SYCE1L: variants seen among roughly 807,000 people sequenced by gnomAD.
The protein encoded by SYCE1L is synaptonemal complex central element protein 1-like.
SYCE1L carries 51 observed loss-of-function variants against 39.6 expected under a neutral mutation model. The observed-to-expected ratio is 1.29, with a 90% CI of 1.03 to 1.63. The LOEUF (loss-of-function observed/expected upper bound fraction) is 1.63. Among genes scored for constraint, SYCE1L ranks in the 40% most tolerant of loss-of-function variants. The pLI is 0.00. For missense variants in SYCE1L, 426 were observed against 304.9 expected (o/e 1.40, Z -2.96); for synonymous variants, 147 against 122.4 (o/e 1.20, Z -1.33).
chr16:77,210,958 TCAAA>T (rs1295268853), intron 6 of SYCE1L, among the ~76,000 whole-genome samples: 2 of 152,108 alleles, frequency 1.3e-5, no homozygotes, highest in Non-Finnish European at 2.9e-5. Context: ...TTTCAGAGTC[TCAAA>T]CAGAGGAATC....
At chr16:77,212,074 GGGCCGTGTAGCCAAGAGGAC>G in intron 7 of SYCE1L, 36 bp from the exon 8 acceptor site, 1 of 1,506,874 alleles carries the variant, frequency 6.6e-7, no homozygotes, top group Non-Finnish European at 8.9e-7. Flanking sequence ...GGGGAGGGGC[GGGCCGTGTAGCCAAGAGGAC>G]GGCCAAACGG....
At chr16:77,206,360 G>C (rs2054785667) in intron 1 of SYCE1L, 81 bp from the exon 2 acceptor site, 3 of 1,282,756 alleles carry the variant, frequency 2.3e-6, no homozygotes, top group Non-Finnish European at 3.3e-6. Context: ...TGTCTGCAGA[G>C]CCCACTGGGA....
intron 1 of SYCE1L, chr16:77,200,001 C>G (rs977798343): frequency 7.5e-6 from 1 of 133,828 alleles, no homozygotes; most frequent in Non-Finnish European, 1.6e-5. Context: ...GGGTGTCGGC[C>G]TAGACACTAT....
At chr16:77,199,758 A>C in intron 1 of SYCE1L, 1 of 429,604 alleles carries the variant, frequency 2.3e-6, no homozygotes, top group Non-Finnish European at 4.1e-6. Flanking sequence ...AAAGTAAACA[A>C]CATGTAGTTC....
At chr16:77,209,233 A>G in intron 5 of SYCE1L, 89 bp downstream of exon 5, 1 of 1,462,714 alleles carries the variant, frequency 6.8e-7, no homozygotes, top group Admixed American at 2.0e-5. Flanking sequence ...AATCCCACTG[A>G]AACCTAAGGC....
chr16:77,212,237 T>G (rs2054828385), intron 8 of SYCE1L, 38 bp downstream of exon 8: 1 of 1,541,102 alleles, frequency 6.5e-7, no homozygotes, highest in Non-Finnish European at 8.8e-7. Context: ...GGGAGGGGGA[T>G]GTGCCCGGGC....
intron 10 of SYCE1L, 31 bp downstream of exon 10, chr16:77,212,677 G>T: frequency 6.6e-7 from 1 of 1,521,534 alleles, no homozygotes. Context: ...AGGCGGGGCG[G>T]GCAGGGACCG....
intron 2 of SYCE1L, among the ~76,000 whole-genome samples, chr16:77,207,722 T>C (rs1451463319): frequency 6.6e-6 from 1 of 152,154 alleles, no homozygotes; most frequent in Non-Finnish European, 1.5e-5. Flanking sequence ...TACTCTCCAC[T>C]TGCTCACTAG....
rs567280974 is a variant in SYCE1L at position 77,205,662 on chromosome 16, T to G, written c.62-779T>G. On this transcript the variant is annotated intron_variant, in intron 1 of 10. Coordinates refer to ENST00000378644, the MANE Select transcript of SYCE1L (RefSeq NM_001129979.3). ...CACGTGATGTTGAGCACATCCCCAG[T>G]GGTGTCATTTAATGTGTTTTCCTGC... 3.3e-5 allele frequency among the ~76,000 whole-genome samples: 5 copies of G among 152,202 alleles called. No individual in the cohort carries two copies. The East Asian group carries it at 9.7e-4, about 29-fold the overall frequency.
At chr16:77,202,616 A>G (rs750604565) in intron 1 of SYCE1L, among the ~76,000 whole-genome samples, 3 of 152,194 alleles carry the variant, frequency 2.0e-5, no homozygotes, top group Non-Finnish European at 4.4e-5. Context: ...TGGGAAATTA[A>G]TGTATAGCCT....
rs867799984 is a variant in SYCE1L at position 77,212,986 on chromosome 16, G to A, written c.*55G>A. The A allele has an allele frequency of 1.1e-5, 16 of 1,431,898 alleles. No homozygotes were observed. The highest frequency in any genetic ancestry group is 2.5e-5 in the Admixed American group (1 of 40,342). The allele number at this position is 1,431,898 out of a possible 1,614,324, so 88.7% of individuals were successfully genotyped here. On this transcript the variant is annotated 3_prime_UTR_variant, in exon 11 of 11. Coordinates refer to ENST00000378644, the MANE Select transcript of SYCE1L (RefSeq NM_001129979.3). Reference sequence around the variant, plus strand: ...CCCTCGAGACCCGCCAAGAAATAAAGGCGATGATTTCCGACCATGCTCGCG... The same window carrying A: ...CCCTCGAGACCCGCCAAGAAATAAAAGCGATGATTTCCGACCATGCTCGCG...
At chr16:77,208,697 A>T (rs1329611445) in intron 4 of SYCE1L, among the ~76,000 whole-genome samples, 158 bp downstream of exon 4, 1 of 152,134 alleles carries the variant, frequency 6.6e-6, no homozygotes, top group Non-Finnish European at 1.5e-5. Flanking sequence ...TCTCAGCTCA[A>T]ATTTCACCCT....
At chr16:77,207,785 T>G (rs1597384306) in intron 2 of SYCE1L, among the ~76,000 whole-genome samples, 1 of 152,112 alleles carries the variant, frequency 6.6e-6, no homozygotes, top group East Asian at 1.9e-4. Flanking sequence ...CCTCACCCGC[T>G]CCTGCCACAC....
In SYCE1L at chr16:77,199,488, C is replaced by G; in HGVS notation, c.37C>G (p.Pro13Ala). The change falls in exon 1 of 11, where the codon CCA becomes GCA. Residue 13 changes from proline to alanine, a missense_variant. Pro to Ala is a conservative substitution (Grantham distance 27). Transcript: ENST00000378644. ...GCTGAAACCTCTGAATGTGGAGGCG[C>G]CAGAAGCTACTGAGGAGGCTGAAGG... is the stretch of plus-strand genomic sequence containing the variant. ...GKLKPLNVEA[P>A]EATEEAEGQA... The G allele has an allele frequency of 4.5e-6, 7 of 1,551,388 alleles. No homozygotes were observed. The highest frequency in any genetic ancestry group is 6.1e-6 in the Non-Finnish European group (7 of 1,146,948).
At chr16:77,204,254 C>G (rs1027954569) in intron 1 of SYCE1L, among the ~76,000 whole-genome samples, 2 of 152,106 alleles carry the variant, frequency 1.3e-5, no homozygotes, top group Non-Finnish European at 2.9e-5. Context: ...AATGCAAGCA[C>G]AAAGAATAAT....
Position 77,213,030 on chromosome 16 carries a change from C to A in SYCE1L, c.*99C>A. ...GCTCGCGTTCTCCGCGGAGTCTGTG[C>A]TACACCGTGGAGCGGGGCGGGGCGT... On this transcript the variant is annotated 3_prime_UTR_variant, in exon 11 of 11. Coordinates refer to ENST00000378644, the MANE Select transcript of SYCE1L (RefSeq NM_001129979.3). The A allele has an allele frequency of 8.2e-7, 1 of 1,214,374 alleles. No individual in the cohort carries two copies. The highest frequency in any genetic ancestry group is 1.1e-6 in the Non-Finnish European group (1 of 931,530). 75.2% of individuals were successfully genotyped at this position (1,214,374 alleles called of 1,614,324 possible).
Position 77,212,604 on chromosome 16 carries a change from G to C in SYCE1L, c.612G>C (p.Glu204Asp), listed in dbSNP as rs1241405978. 2.6e-6 allele frequency: 4 copies of C among 1,536,114 alleles called. No individual in the cohort carries two copies. The highest frequency in any genetic ancestry group is 2.6e-6 in the Non-Finnish European group (3 of 1,146,522). ...AGGCGGAGCTGGAGATATTCGGGGA[G>C]CAGGTCCGGAGCGCCCCCGAGGTCG... ...GLKAELEIFG[E>D]QVRSAPEVGA... The change falls in exon 10 of 11, where the codon GAG becomes GAC. Residue 204 changes from glutamate to aspartate, a missense_variant. Physicochemically the swap from Glu to Asp is conservative, Grantham distance 45. Coordinates refer to ENST00000378644, the MANE Select transcript of SYCE1L (RefSeq NM_001129979.3).
At chr16:77,200,341 A>G (rs1597380481) in intron 1 of SYCE1L, 1 of 146,420 alleles carries the variant, frequency 6.8e-6, no homozygotes, top group East Asian at 2.0e-4. Context: ...AATCGCAGCT[A>G]CTCAGGAAGC....
At chr16:77,211,628 G>A (rs567122038) in intron 7 of SYCE1L, among the ~76,000 whole-genome samples, 32 of 152,158 alleles carry the variant, frequency 2.1e-4, no homozygotes, top group Non-Finnish European at 4.3e-4. Flanking sequence ...TGGTTGCACC[G>A]GTCAGCATTT....
Sources: allele counts gnomAD v4.1 joint callset (sites outside exome capture counted in the v4.1 genomes callset), GRCh38; gene constraint gnomAD v4.1.1; transcripts MANE v1.5; gene names NCBI Gene and HGNC (gene_info 2026-07-23, HGNC 2026-07-21).